Variants in ARPC1A observed in about 807,000 individuals in gnomAD.
ARPC1A encodes actin-related protein 2/3 complex subunit 1A.
A neutral mutation model predicts 46.9 loss-of-function variants in ARPC1A; 8 were observed. The observed-to-expected ratio is 0.17, with a 90% confidence interval of 0.10 to 0.31. The LOEUF is 0.31. Ranked by LOEUF, ARPC1A falls within the 10% of genes least tolerant of loss-of-function variation. The probability of loss-of-function intolerance (pLI) is 1.00; values close to 1 mark genes in which losing one functional copy is unlikely to be tolerated. For synonymous variants in ARPC1A, 152 were observed against 169.0 expected (o/e 0.90, Z 0.78); for missense variants, 286 against 483.6 (o/e 0.59, Z 3.83).
intron 1 of ARPC1A, among the ~76,000 whole-genome samples, chr7:99,332,199 A>G (rs1263527377): frequency 6.6e-6 from 1 of 152,190 alleles, no homozygotes; most frequent in Non-Finnish European, 1.5e-5. Context: ...TGGTAGGTTG[A>G]CCATATTCCC....
At chr7:99,337,011 T>TA (rs1458451132) in intron 2 of ARPC1A, among the ~76,000 whole-genome samples, 2 of 150,426 alleles carry the variant, frequency 1.3e-5, no homozygotes, top group African/African-American at 4.9e-5. Context: ...CTAGATGGGG[T>TA]AAAAAAAGAT....
At chr7:99,347,430 C>T (rs923133004) in intron 4 of ARPC1A, among the ~76,000 whole-genome samples, 6 of 152,238 alleles carry the variant, frequency 3.9e-5, no homozygotes, top group Non-Finnish European at 2.9e-5. Context: ...TGTAGCCAGG[C>T]GTGGTGGCTC....
intron 7 of ARPC1A, 94 bp from the exon 8 acceptor site, chr7:99,359,451 A>AGGGGG: frequency 7.9e-7 from 1 of 1,269,656 alleles, no homozygotes; most frequent in Non-Finnish European, 1.1e-6. Flanking sequence ...AAAAAAAAAA[A>AGGGGG]AAGAGTAAGA....
chr7:99,332,278 G>A (rs535622440), intron 1 of ARPC1A, among the ~76,000 whole-genome samples: 4 of 152,314 alleles, frequency 2.6e-5, no homozygotes, highest in African/African-American at 9.6e-5. Flanking sequence ...GCTCTCAGAA[G>A]TGTTCTGGTT....
At chr7:99,358,212 C>A in intron 6 of ARPC1A, 128 bp from the exon 7 acceptor site, 1 of 881,034 alleles carries the variant, frequency 1.1e-6, no homozygotes. Context: ...TCAGGGGCTC[C>A]TTTTCAACAT....
At chr7:99,326,453 A>C (rs2150854579) in intron 1 of ARPC1A, among the ~76,000 whole-genome samples, 1 of 152,298 alleles carries the variant, frequency 6.6e-6, no homozygotes, top group African/African-American at 2.4e-5. Flanking sequence ...TCCTTCGGTT[A>C]ATGGGGAACC....
chr7:99,338,055 G>T (rs574893414), intron 2 of ARPC1A, 126 bp from the exon 3 acceptor site: 2 of 591,184 alleles, frequency 3.4e-6, no homozygotes, highest in African/African-American at 1.9e-5. Flanking sequence ...GTGAATTTGG[G>T]AACTACTTTT....
chr7:99,358,280 T>A (rs1793675260), intron 6 of ARPC1A, 60 bp from the exon 7 acceptor site: 1 of 1,524,570 alleles, frequency 6.6e-7, no homozygotes, highest in South Asian at 1.1e-5. Context: ...TGATCATCTG[T>A]GTCTGTAAAG....
intron 6 of ARPC1A, among the ~76,000 whole-genome samples, chr7:99,356,352 C>T (rs981025538): frequency 1.3e-5 from 2 of 152,180 alleles, no homozygotes; most frequent in African/African-American, 4.8e-5. Context: ...CGCCTGTAAT[C>T]CCAGCACTTT....
intron 3 of ARPC1A, among the ~76,000 whole-genome samples, chr7:99,341,989 T>C (rs1313256710): frequency 1.3e-5 from 2 of 152,214 alleles, no homozygotes; most frequent in Admixed American, 1.3e-4. Context: ...ACATCAGGGA[T>C]ATCAGAGTTC....
At position 99,333,346 on chromosome 7, in the gene ARPC1A, T is replaced by G. The variant is rs1168087431; in HGVS notation, c.-8T>G. 24 of 1,612,038 alleles carry G rather than the reference T, an allele frequency of 1.5e-5. No individual in the cohort carries two copies. The highest frequency in any genetic ancestry group is 2.0e-5 in the Non-Finnish European group (24 of 1,178,530). On this transcript the variant is annotated 5_prime_UTR_variant, in exon 2 of 10. Coordinates refer to ENST00000262942, the MANE Select transcript of ARPC1A (RefSeq NM_006409.4). Reference sequence around the variant, plus strand: ...GCAGCTTTCTCTCCTTTGAAAACACTAAGAATAATGTCACTGCATCAGTTT... The same window carrying G: ...GCAGCTTTCTCTCCTTTGAAAACACGAAGAATAATGTCACTGCATCAGTTT...
intron 2 of ARPC1A, among the ~76,000 whole-genome samples, chr7:99,335,270 G>T (rs186241526): frequency 2.3e-4 from 35 of 152,152 alleles, no homozygotes; most frequent in African/African-American, 8.2e-4. Flanking sequence ...GATATACTTA[G>T]TGGGCATGAG....
chr7:99,349,669 T>C (rs939287234), intron 5 of ARPC1A, among the ~76,000 whole-genome samples: 10 of 152,098 alleles, frequency 6.6e-5, no homozygotes, highest in African/African-American at 1.7e-4. Context: ...AAACCCCGTC[T>C]CTACTAAAAA....
chr7:99,332,604 A>AT (rs57321957), intron 1 of ARPC1A, among the ~76,000 whole-genome samples: 3,059 of 141,862 alleles, frequency 0.022, 49 homozygotes, highest in South Asian at 0.057. Flanking sequence ...AATGAGATAG[A>AT]TTTTTTTTTT....
intron 5 of ARPC1A, among the ~76,000 whole-genome samples, chr7:99,353,636 CTT>C (rs1793583889): frequency 6.6e-6 from 1 of 151,896 alleles, no homozygotes; most frequent in Non-Finnish European, 1.5e-5. Context: ...CGCCCCCACG[CTT>C]GGCTAATTTT....
At chr7:99,337,971 C>A (rs771836376) in intron 2 of ARPC1A, among the ~76,000 whole-genome samples, 6 of 151,896 alleles carry the variant, frequency 4.0e-5, no homozygotes, top group Non-Finnish European at 7.4e-5. Flanking sequence ...GAATTTTAAT[C>A]TTAGTTTTCC....
rs6971175 is a variant in ARPC1A, at chr7:99,344,952, G to C, written c.392+437G>C. Among the ~76,000 whole-genome samples, 222 of 51,734 alleles carry C rather than the reference G, an allele frequency of 4.3e-3. 3 individuals are homozygous for C. Among genetic ancestry groups the C allele is most frequent in the African/African-American group, 0.028 (214 of 7,648 alleles). 33.9% of individuals were successfully genotyped at this position (51,734 alleles called of 152,430 possible). On this transcript the variant is annotated intron_variant, in intron 4 of 9. Transcript: ENST00000262942. ...TTTTTTTTTTTTTTTTTTTTTTTGA[G>C]ACAGAGTCTTACTCTGTTGCCCAGG...
At chr7:99,350,748 C>G (rs537143713) in intron 5 of ARPC1A, among the ~76,000 whole-genome samples, 5 of 146,170 alleles carry the variant, frequency 3.4e-5, no homozygotes, top group South Asian at 2.2e-4. Flanking sequence ...CGGACTCAAG[C>G]AATCCTCCCA....
intron 6 of ARPC1A, 147 bp downstream of exon 6, chr7:99,354,268 A>G: frequency 1.1e-6 from 1 of 911,032 alleles, no homozygotes; most frequent in Non-Finnish European, 1.6e-6. Context: ...CACGCCTGTA[A>G]TCCCAGCACT....
Sources: allele counts gnomAD v4.1 joint callset (sites outside exome capture counted in the v4.1 genomes callset), GRCh38; gene constraint gnomAD v4.1.1; transcripts MANE v1.5; gene names NCBI Gene and HGNC (gene_info 2026-07-23, HGNC 2026-07-21).